Variants in GRM1 observed in about 807,000 individuals in gnomAD.
GRM1 encodes metabotropic glutamate receptor 1.
In GRM1, 33 loss-of-function variants were observed where a neutral mutation model predicts 90.9. That is an observed-to-expected ratio of 0.36 (90% CI 0.28 to 0.49). The LOEUF (loss-of-function observed/expected upper bound fraction) is 0.49. GRM1 is among the 20% of genes least tolerant of loss of function. The pLI, the probability that GRM1 is intolerant of heterozygous loss-of-function variation, is 0.99. For missense variants in GRM1, 1,190 were observed against 1,534.3 expected (o/e 0.78, Z 3.75); for synonymous variants, 700 against 613.2 (o/e 1.14, Z -2.09).
rs570782583 is a variant in GRM1 at position 146,081,982 on chromosome 6, C to T, written c.700+51765C>T. ...TCAGTGGGATTTTAGCGAGTAGAGA[C>T]GGGGAAGTTAAAGTTAGTTCTTAGG... On this transcript the variant is annotated intron_variant, in intron 1 of 7. Transcript: ENST00000282753. 7.2e-5 allele frequency among the ~76,000 whole-genome samples: 11 copies of T among 152,126 alleles called. 1 individual carries two copies. Among genetic ancestry groups the T allele is most frequent in the South Asian group, 4.2e-4 (2 of 4,806 alleles).
At chr6:146,209,810 T>A (rs926305677) in intron 2 of GRM1, among the ~76,000 whole-genome samples, 1 of 152,206 alleles carries the variant, frequency 6.6e-6, no homozygotes, top group Non-Finnish European at 1.5e-5. Context: ...GTAGATACTT[T>A]ACTTTCAAAA....
chr6:146,072,361 C>G (rs1375060588), intron 1 of GRM1, among the ~76,000 whole-genome samples: 2 of 152,024 alleles, frequency 1.3e-5, no homozygotes, highest in Non-Finnish European at 2.9e-5. Flanking sequence ...TTGTGATACC[C>G]CTCCCTCCTT....
intron 2 of GRM1, among the ~76,000 whole-genome samples, chr6:146,245,233 T>A (rs1454028546): frequency 2.0e-5 from 3 of 152,136 alleles, no homozygotes; most frequent in Non-Finnish European, 4.4e-5. Context: ...AATGGTGATA[T>A]AAATGTTCAA....
At chr6:146,390,352 A>T (rs1271354560) in intron 6 of GRM1, among the ~76,000 whole-genome samples, 1 of 152,034 alleles carries the variant, frequency 6.6e-6, no homozygotes, top group Non-Finnish European at 1.5e-5. Context: ...TGAAGCTGTT[A>T]AAAAGTTTCT....
chr6:146,123,182 C>T (rs879632265), intron 1 of GRM1, among the ~76,000 whole-genome samples: 56 of 152,162 alleles, frequency 3.7e-4, no homozygotes, highest in Admixed American at 3.7e-3. Flanking sequence ...CAGATATTAG[C>T]TCCTTGGTTT....
At chr6:146,101,381 C>A (rs1464120639) in intron 1 of GRM1, among the ~76,000 whole-genome samples, 1 of 152,176 alleles carries the variant, frequency 6.6e-6, no homozygotes, top group Admixed American at 6.5e-5. Context: ...TTTTCTTCCA[C>A]TGAGCTACTC....
chr6:146,411,599 G>A (rs902222002), intron 7 of GRM1, among the ~76,000 whole-genome samples: 3 of 152,154 alleles, frequency 2.0e-5, no homozygotes, highest in African/African-American at 7.2e-5. Context: ...TTTAGGAGAC[G>A]AGCAAGATAT....
At position 146,223,984 on chromosome 6, in the gene GRM1, C is replaced by A. The variant is rs183195819; in HGVS notation, c.950+64387C>A. ...TAGTTTCCTGACATTATAGCAGATC[C>A]ATTTTTAAGGGTGGAAAAAAACCCA... On this transcript the variant is annotated intron_variant, in intron 2 of 7. Coordinates refer to ENST00000282753, the MANE Select transcript of GRM1 (RefSeq NM_001278064.2). Among the ~76,000 whole-genome samples the A allele has an allele frequency of 3.9e-5, 6 of 152,114 alleles. No individual in the cohort carries two copies. The East Asian group carries it at 9.7e-4, about 24-fold the overall frequency.
chr6:146,377,536 C>T (rs778810538), intron 5 of GRM1, among the ~76,000 whole-genome samples: 3 of 152,106 alleles, frequency 2.0e-5, no homozygotes, highest in Non-Finnish European at 4.4e-5. Context: ...AAGTTCTAAG[C>T]AGCAAAGCCT....
intron 2 of GRM1, among the ~76,000 whole-genome samples, chr6:146,196,032 G>T (rs761283214): frequency 6.6e-6 from 1 of 152,176 alleles, no homozygotes; most frequent in East Asian, 1.9e-4. Context: ...CCTGAACAAA[G>T]GTATCCCAGT....
chr6:146,212,825 A>G (rs1779724811), intron 2 of GRM1, among the ~76,000 whole-genome samples: 1 of 152,158 alleles, frequency 6.6e-6, no homozygotes, highest in African/African-American at 2.4e-5. Flanking sequence ...TATGAAGTAT[A>G]TATACACCCA....
chr6:146,139,077 T>C (rs1388080404), intron 1 of GRM1, among the ~76,000 whole-genome samples: 1 of 152,150 alleles, frequency 6.6e-6, no homozygotes, highest in Non-Finnish European at 1.5e-5. Context: ...AATTTCTTTA[T>C]TGACCCACCG....
chr6:146,411,665 C>A (rs1485492179), intron 7 of GRM1, among the ~76,000 whole-genome samples: 4 of 152,076 alleles, frequency 2.6e-5, no homozygotes, highest in Non-Finnish European at 5.9e-5. Flanking sequence ...ATTACAGTGG[C>A]CTGACCTGTG....
At chr6:146,333,913 T>A (rs1028308467) in intron 3 of GRM1, among the ~76,000 whole-genome samples, 3 of 151,842 alleles carry the variant, frequency 2.0e-5, no homozygotes, top group African/African-American at 7.3e-5. Context: ...AAAAAAATGA[T>A]GAAATCTGAA....
intron 1 of GRM1, among the ~76,000 whole-genome samples, chr6:146,099,492 A>G (rs1437690970): frequency 2.0e-5 from 3 of 152,224 alleles, no homozygotes; most frequent in Non-Finnish European, 1.5e-5. Context: ...AAGCACAAGC[A>G]TCTCCCTGAT....
intron 1 of GRM1, among the ~76,000 whole-genome samples, chr6:146,093,975 A>G (rs1776796268): frequency 6.6e-6 from 1 of 152,096 alleles, no homozygotes; most frequent in African/African-American, 2.4e-5. Flanking sequence ...AATGAGTTTG[A>G]TAATAAGTAA....
chr6:146,347,994 A>AGG (rs1287536120), intron 3 of GRM1, among the ~76,000 whole-genome samples: 1 of 152,342 alleles, frequency 6.6e-6, no homozygotes, highest in East Asian at 1.9e-4. Flanking sequence ...TGAAGCAGTT[A>AGG]GGCAGGTATT....
chr6:146,378,854 G>T (rs1420390059), intron 5 of GRM1, among the ~76,000 whole-genome samples: 3 of 152,224 alleles, frequency 2.0e-5, no homozygotes, highest in South Asian at 4.1e-4. Context: ...TTCCTGTGCT[G>T]TTCTTGTGAT....
At chr6:146,357,759 G>C in intron 5 of GRM1, 65 bp downstream of exon 5, 1 of 1,207,514 alleles carries the variant, frequency 8.3e-7, no homozygotes, top group Non-Finnish European at 1.2e-6. Context: ...CATTAGTAAA[G>C]AACAACACAG....
Sources: allele counts gnomAD v4.1 joint callset (sites outside exome capture counted in the v4.1 genomes callset), GRCh38; gene constraint gnomAD v4.1.1; transcripts MANE v1.5; gene names NCBI Gene and HGNC (gene_info 2026-07-23, HGNC 2026-07-21).